The following CNTNAP3 variants were observed in gnomAD, a reference collection of about 807,000 sequenced individuals.
CNTNAP3 encodes the protein contactin associated protein family member 3.
In CNTNAP3, 36 loss-of-function variants were observed where a neutral mutation model predicts 92.1. The observed-to-expected ratio is 0.39, with a 90% confidence interval of 0.30 to 0.52. The LOEUF (loss-of-function observed/expected upper bound fraction) is 0.52, where lower values mean the gene tolerates loss of function less well. CNTNAP3 is among the 20% of genes least tolerant of loss of function. The pLI is 0.76. For missense variants in CNTNAP3, 534 were observed against 1,069.6 expected (o/e 0.50, Z 6.98); for synonymous variants, 232 against 422.3 (o/e 0.55, Z 5.53).
At chr9:39,130,596 C>T (rs570556440) in intron 13 of CNTNAP3, among the ~76,000 whole-genome samples, 1 of 151,216 alleles carries the variant, frequency 6.6e-6, no homozygotes, top group Admixed American at 6.6e-5. Flanking sequence ...GCTCCACCTC[C>T]TGGGTTCACG....
intron 12 of CNTNAP3, among the ~76,000 whole-genome samples, chr9:39,135,509 G>C (rs924086838): frequency 4.6e-5 from 7 of 152,218 alleles, no homozygotes; most frequent in Non-Finnish European, 7.4e-5. Context: ...GTTGATCCCT[G>C]TTCCACTCCT....
chr9:39,130,052 G>C (rs1183692913), intron 13 of CNTNAP3, among the ~76,000 whole-genome samples: 1 of 151,956 alleles, frequency 6.6e-6, no homozygotes. Flanking sequence ...TGGTGGGAAT[G>C]GTACAACCAT....
At chr9:39,117,128 A>G (rs2117957056) in intron 14 of CNTNAP3, among the ~76,000 whole-genome samples, 1 of 152,124 alleles carries the variant, frequency 6.6e-6, no homozygotes, top group South Asian at 2.1e-4. Flanking sequence ...AGCAGCTGGG[A>G]CTACAGGCAC....
At chr9:39,254,420 T>C (rs1389794069) in intron 2 of CNTNAP3, among the ~76,000 whole-genome samples, 1 of 21,232 alleles carries the variant, frequency 4.7e-5, no homozygotes, top group African/African-American at 1.1e-4. Flanking sequence ...TACTGACAAA[T>C]ACAAAAATCA....
chr9:39,149,164 C>G (rs1339924478), intron 10 of CNTNAP3, among the ~76,000 whole-genome samples: 1 of 152,120 alleles, frequency 6.6e-6, no homozygotes, highest in Non-Finnish European at 1.5e-5. Flanking sequence ...GAATAGTAAC[C>G]TGGCAAATTC....
In CNTNAP3 at chr9:39,069,538, C is replaced by T. The variant is rs1336796546; in HGVS notation, c.*4352G>A. Among the ~76,000 whole-genome samples, 1 of 152,166 alleles carries T rather than the reference C, an allele frequency of 6.6e-6. No individual in the cohort carries two copies. The highest frequency in any genetic ancestry group is 1.5e-5 in the Non-Finnish European group (1 of 68,038). On this transcript the variant is annotated 3_prime_UTR_variant, in exon 24 of 24. Coordinates refer to ENST00000297668, the MANE Select transcript of CNTNAP3 (RefSeq NM_033655.5). Reference sequence around the variant, plus strand: ...TCACATTTTAAAATATATAATGGCACAATAAAATGCAAAAATATAATTTTA... The same window carrying T: ...TCACATTTTAAAATATATAATGGCATAATAAAATGCAAAAATATAATTTTA...
chr9:39,133,019 G>C lies in CNTNAP3; in HGVS notation c.1993C>G (p.Gln665Glu). The change falls in exon 13 of 24, where the codon CAG becomes GAG. Residue 665 changes from glutamine to glutamate, a missense_variant. Transcript: ENST00000297668. Reference protein sequence around the residue: ...VSFAYAAGAGQLRSAVNLAER... With the variant: ...VSFAYAAGAGELRSAVNLAER... ...GCCAGGTTCACCGCGGACCGCAGCT[G>C]CCCCGCGCCCGCTGCGTACGCGAAG... The C allele has an allele frequency of 5.2e-6, 8 of 1,541,668 alleles. No homozygotes were observed. The highest frequency in any genetic ancestry group is 7.0e-6 in the Non-Finnish European group (8 of 1,150,758).
At chr9:39,131,133 T>G (rs1821283622) in intron 13 of CNTNAP3, among the ~76,000 whole-genome samples, 2 of 149,862 alleles carry the variant, frequency 1.3e-5, no homozygotes, top group Admixed American at 6.6e-5. Context: ...TTTAAACAAT[T>G]CCAAAGCCAA....
At position 39,217,383 on chromosome 9, in the gene CNTNAP3, T is replaced by TATAC. The variant is rs1401135371; in HGVS notation, c.390+21609_390+21610insGTAT. Reference sequence around the variant, plus strand: ...GTATATATATATATATATATATATATATATATATATATATATATTCATTGT... The same window carrying TATAC: ...GTATATATATATATATATATATATATATACATATATATATATATATATTCATTGT... On this transcript the variant is annotated intron_variant, in intron 3 of 23. Coordinates refer to ENST00000297668, the MANE Select transcript of CNTNAP3 (RefSeq NM_033655.5). Among the ~76,000 whole-genome samples the TATAC allele has an allele frequency of 8.9e-4, 22 of 24,698 alleles. 7 individuals carry two copies. Among genetic ancestry groups the TATAC allele is most frequent in the African/African-American group, 1.4e-3 (22 of 15,490 alleles). The allele number at this position is 24,698 out of a possible 152,430, so 16.2% of individuals were successfully genotyped here. A position where few individuals can be genotyped will look rare whatever the true frequency, so the allele number is the denominator to read the frequency against.
chr9:39,103,437 C>T (rs1381971508), intron 16 of CNTNAP3, among the ~76,000 whole-genome samples: 1 of 151,982 alleles, frequency 6.6e-6, no homozygotes, highest in African/African-American at 2.4e-5. Flanking sequence ...CAAAAATTAG[C>T]TGGGCACGGT....
chr9:39,133,411 A>AT (rs1315588043), intron 12 of CNTNAP3, among the ~76,000 whole-genome samples: 6 of 151,892 alleles, frequency 4.0e-5, no homozygotes, highest in Admixed American at 2.6e-4. Flanking sequence ...TGTTAAAACC[A>AT]TTTTTTTATA....
chr9:39,141,886 T>TTA (rs1491099117), intron 11 of CNTNAP3, among the ~76,000 whole-genome samples: 1 of 152,082 alleles, frequency 6.6e-6, no homozygotes, highest in East Asian at 1.9e-4. Context: ...AATTAATGAG[T>TTA]TATATACAAT....
At chr9:39,117,827 A>G (rs1040206348) in intron 14 of CNTNAP3, 1 of 457,582 alleles carries the variant, frequency 2.2e-6, no homozygotes, top group Non-Finnish European at 3.9e-6. Context: ...GCAGAGAATG[A>G]TATTTGATTT....
chr9:39,121,335 G>A, intron 13 of CNTNAP3, among the ~76,000 whole-genome samples: 1 of 151,968 alleles, frequency 6.6e-6, no homozygotes, highest in Non-Finnish European at 1.5e-5. Context: ...AAAATCACCA[G>A]GAAGACATAA....
chr9:39,103,301 G>T (rs948474730), intron 16 of CNTNAP3, among the ~76,000 whole-genome samples: 4 of 152,198 alleles, frequency 2.6e-5, no homozygotes, highest in African/African-American at 9.7e-5. Flanking sequence ...ATGATTACTG[G>T]CTGGGTGTGG....
At chr9:39,097,865 T>A (rs938703104) in intron 18 of CNTNAP3, among the ~76,000 whole-genome samples, 1 of 150,318 alleles carries the variant, frequency 6.7e-6, no homozygotes, top group South Asian at 2.1e-4. Flanking sequence ...CTAAAGACTT[T>A]CAATAGTTGT....
Position 39,065,002 on chromosome 9 carries a change from A to G in CNTNAP3, c.*8888T>C. Among the ~76,000 whole-genome samples the G allele has an allele frequency of 6.6e-6, 1 of 152,308 alleles. No homozygotes were observed. Among genetic ancestry groups the G allele is most frequent in the Non-Finnish European group, 1.5e-5 (1 of 68,056 alleles). ...ATATATACATGTACATATTTATTGAAGTATAATTTATATACAAAATATACA... is the reference window on the plus strand; with the variant it reads ...ATATATACATGTACATATTTATTGAGGTATAATTTATATACAAAATATACA... On this transcript the variant is annotated 3_prime_UTR_variant, in exon 24 of 24. Coordinates refer to ENST00000297668, the MANE Select transcript of CNTNAP3 (RefSeq NM_033655.5).
chr9:39,083,158 AC>A (rs1157746783), intron 21 of CNTNAP3, among the ~76,000 whole-genome samples: 4 of 152,068 alleles, frequency 2.6e-5, no homozygotes, highest in Admixed American at 6.6e-5. Flanking sequence ...TGGCATTCTT[AC>A]ATATCTAGAG....
At chr9:39,146,335 G>T (rs1169139625) in intron 10 of CNTNAP3, among the ~76,000 whole-genome samples, 3 of 152,150 alleles carry the variant, frequency 2.0e-5, no homozygotes, top group East Asian at 3.9e-4. Flanking sequence ...TCTGCCATGT[G>T]GTATACAGGG....
Sources: gnomAD v4.1 joint callset for allele counts (sites outside exome capture counted in the v4.1 genomes callset) on GRCh38, gnomAD v4.1.1 for gene constraint, MANE v1.5 for transcripts, NCBI Gene and HGNC (gene_info 2026-07-23, HGNC 2026-07-21) for gene names.